The following KPNA5 variants were observed in gnomAD, a reference collection of about 807,000 sequenced individuals.
KPNA5 encodes importin subunit alpha-6.
A neutral mutation model predicts 71.3 loss-of-function variants in KPNA5; 46 were observed. The ratio of observed to expected loss-of-function variants is 0.65; its 90% confidence interval spans 0.51 to 0.83. KPNA5 has a LOEUF of 0.83. Ranked by LOEUF, KPNA5 falls within the 40% of genes least tolerant of loss-of-function variation. The pLI is 0.00. For synonymous variants in KPNA5, 207 were observed against 201.4 expected (o/e 1.03, Z -0.24); for missense variants, 547 against 628.3 (o/e 0.87, Z 1.38).
At chr6:116,722,084 A>C (rs762808706) in intron 8 of KPNA5, 42 bp from the exon 9 acceptor site, 1 of 1,439,062 alleles carries the variant, frequency 6.9e-7, no homozygotes, top group South Asian at 1.6e-5. Context: ...ACTTGGTTTT[A>C]AATAGAGAAA....
chr6:116,724,355 G>A lies in KPNA5; in HGVS notation c.979G>A (p.Gly327Ser). 1.2e-6 allele frequency: 2 copies of A among 1,609,784 alleles called. No homozygotes were observed. The highest frequency in any genetic ancestry group is 8.5e-7 in the Non-Finnish European group (1 of 1,176,460). Residue 327 changes from glycine (G) to serine (S), a missense_variant, in exon 10 of 14, where the codon GGT becomes AGT. Coordinates refer to ENST00000368564, the MANE Select transcript of KPNA5 (RefSeq NM_001366306.2). ...ALRAVGNIVT[G>S]DDIQTQVILN... ...AAGGGCAGTTGGTAATATTGTGACT[G>A]GTGATGATATTCAAACACAGGTGAG...
At chr6:116,712,691 C>G (rs368613873) in intron 7 of KPNA5, among the ~76,000 whole-genome samples, 1 of 152,152 alleles carries the variant, frequency 6.6e-6, no homozygotes, top group Non-Finnish European at 1.5e-5. Flanking sequence ...TCTTAAACTC[C>G]TGGCCTCAAG....
At chr6:116,729,113 A>G (rs1015395563) in intron 12 of KPNA5, among the ~76,000 whole-genome samples, 1 of 145,880 alleles carries the variant, frequency 6.9e-6, no homozygotes, top group Non-Finnish European at 1.5e-5. Context: ...TTTAATTTAG[A>G]TGTCTCTTCT....
intron 10 of KPNA5, 62 bp downstream of exon 10, chr6:116,724,437 C>A: frequency 9.1e-7 from 1 of 1,095,414 alleles, no homozygotes; most frequent in Non-Finnish European, 1.4e-6. Context: ...ATTTATGTTT[C>A]ATACAACTTG....
intron 5 of KPNA5, among the ~76,000 whole-genome samples, chr6:116,701,151 T>G (rs1379446147): frequency 6.6e-6 from 1 of 152,212 alleles, no homozygotes; most frequent in African/African-American, 2.4e-5. Flanking sequence ...CTTTTTAATA[T>G]TTCAGTAATG....
In KPNA5 at chr6:116,692,356, A is replaced by G; in HGVS notation, c.304A>G (p.Thr102Ala). ...TTCTAATAATGCTGATCAACAGCTA[A>G]CAGCAACACAGAAATTTAGAAAGCT... is the stretch of plus-strand genomic sequence containing the variant. ...IFSNNADQQL[T>A]ATQKFRKLLS... The change falls in exon 4 of 14, where the codon ACA becomes GCA. Residue 102 changes from threonine to alanine, a missense_variant. Thr to Ala is a moderately conservative substitution (Grantham distance 58). Coordinates refer to ENST00000368564, the MANE Select transcript of KPNA5 (RefSeq NM_001366306.2). The G allele has an allele frequency of 6.2e-7, 1 of 1,605,178 alleles. No homozygotes were observed. Among genetic ancestry groups the G allele is most frequent in the Non-Finnish European group, 8.5e-7 (1 of 1,177,304 alleles).
intron 1 of KPNA5, among the ~76,000 whole-genome samples, chr6:116,684,862 C>T (rs188524635): frequency 1.7e-4 from 26 of 152,274 alleles, no homozygotes; most frequent in African/African-American, 4.8e-4. Flanking sequence ...GCAACAGCAA[C>T]GACAAAACCC....
intron 1 of KPNA5, among the ~76,000 whole-genome samples, chr6:116,681,966 C>G (rs1427053335): frequency 6.6e-6 from 1 of 152,090 alleles, no homozygotes; most frequent in African/African-American, 2.4e-5. Flanking sequence ...AGTGATATGT[C>G]TAAAGAATAT....
chr6:116,691,508 C>G (rs967092611), intron 2 of KPNA5, among the ~76,000 whole-genome samples: 1 of 152,154 alleles, frequency 6.6e-6, no homozygotes, highest in Non-Finnish European at 1.5e-5. Context: ...CCAACTGTAC[C>G]TATAAATCTC....
At position 116,725,580 on chromosome 6, in the gene KPNA5, T is replaced by C. The variant is rs547090532; in HGVS notation, c.1000-171T>C. 2.6e-5 allele frequency among the ~76,000 whole-genome samples: 4 copies of C among 152,228 alleles called. No individual in the cohort carries two copies. In the South Asian group the frequency reaches 8.3e-4, roughly 32 times the overall value. ...TTCCTTATAGTGGCAGGAGACTAGG[T>C]TTATCAATAGCAGACGTGTAGAAGA... On this transcript the variant is annotated intron_variant, in intron 10 of 13. Coordinates refer to ENST00000368564, the MANE Select transcript of KPNA5 (RefSeq NM_001366306.2).
intron 11 of KPNA5, among the ~76,000 whole-genome samples, chr6:116,726,275 A>C (rs946766891): frequency 4.6e-5 from 7 of 152,082 alleles, no homozygotes; most frequent in African/African-American, 1.7e-4. Context: ...CATCTCTAAA[A>C]TTTATATTTT....
At chr6:116,708,074 A>T (rs1778516014) in intron 7 of KPNA5, among the ~76,000 whole-genome samples, 1 of 152,198 alleles carries the variant, frequency 6.6e-6, no homozygotes, top group Non-Finnish European at 1.5e-5. Context: ...ATTATAGTGA[A>T]TGTATCAGGA....
chr6:116,707,083 G>A (rs1778470098), intron 7 of KPNA5, among the ~76,000 whole-genome samples: 1 of 151,980 alleles, frequency 6.6e-6, no homozygotes, highest in Admixed American at 6.6e-5. Flanking sequence ...AGGATGGCTT[G>A]TACCCAGGAG....
chr6:116,707,056 C>T (rs77709310), intron 7 of KPNA5, among the ~76,000 whole-genome samples: 7,443 of 151,580 alleles, frequency 0.049, 191 homozygotes, highest in African/African-American at 0.07. Context: ...CCCAGCTACT[C>T]GGGAGGCTGA....
intron 7 of KPNA5, among the ~76,000 whole-genome samples, chr6:116,714,273 T>C (rs1329218549): frequency 6.6e-6 from 1 of 152,212 alleles, no homozygotes; most frequent in Non-Finnish European, 1.5e-5. Flanking sequence ...TTCCTTGTCA[T>C]GCGTGGTCTC....
chr6:116,695,166 C>G (rs143560010), intron 4 of KPNA5, among the ~76,000 whole-genome samples: 1 of 152,050 alleles, frequency 6.6e-6, no homozygotes, highest in Non-Finnish European at 1.5e-5. Flanking sequence ...TGGTCTCAAA[C>G]TCTCCTCCCA....
chr6:116,720,056 C>A (rs1403911315), intron 8 of KPNA5, among the ~76,000 whole-genome samples: 2 of 152,166 alleles, frequency 1.3e-5, no homozygotes, highest in Non-Finnish European at 2.9e-5. Flanking sequence ...AATAAACTTC[C>A]AGTCTTTGGT....
intron 1 of KPNA5, among the ~76,000 whole-genome samples, chr6:116,687,025 T>C (rs1210607243): frequency 1.3e-5 from 2 of 152,198 alleles, no homozygotes; most frequent in African/African-American, 4.8e-5. Context: ...TCTTTTTTGG[T>C]TCCATATGAA....
intron 7 of KPNA5, 143 bp from the exon 8 acceptor site, chr6:116,716,076 C>A: frequency 1.6e-6 from 1 of 623,972 alleles, no homozygotes; most frequent in Admixed American, 3.1e-5. Flanking sequence ...CTTGTGAAAA[C>A]ATAATGAATT....
Sources: allele counts gnomAD v4.1 joint callset (sites outside exome capture counted in the v4.1 genomes callset), GRCh38; gene constraint gnomAD v4.1.1; transcripts MANE v1.5; gene names NCBI Gene and HGNC (gene_info 2026-07-23, HGNC 2026-07-21).